LEKR1: variants seen among roughly 807,000 people sequenced by gnomAD.
LEKR1 encodes leucine, glutamate and lysine rich 1.
In LEKR1, 59 loss-of-function variants were observed where a neutral mutation model predicts 72.4. The ratio of observed to expected loss-of-function variants is 0.82; its 90% CI spans 0.66 to 1.01. LEKR1 has a LOEUF of 1.01. Ranked by LOEUF, LEKR1 falls within the 50% of genes least tolerant of loss-of-function variation. The pLI is 0.00. For missense variants in LEKR1, 728 were observed against 759.2 expected, an observed-to-expected ratio of 0.96 and a Z score of 0.48; for synonymous variants, 257 against 263.2, an observed-to-expected ratio of 0.98 and a Z score of 0.23.
intron 3 of LEKR1, among the ~76,000 whole-genome samples, chr3:156,902,212 A>T (rs534463912): frequency 3.3e-5 from 5 of 150,538 alleles, no homozygotes; most frequent in Admixed American, 2.6e-4. Context: ...CCTATTCTTT[A>T]AAAAAAAATC....
At chr3:156,867,174 AAC>A (rs1717405731) in intron 3 of LEKR1, among the ~76,000 whole-genome samples, 1 of 152,108 alleles carries the variant, frequency 6.6e-6, no homozygotes, top group Non-Finnish European at 1.5e-5. Context: ...AAAACAAAAG[AAC>A]CATTATTAAA....
intron 3 of LEKR1, among the ~76,000 whole-genome samples, chr3:156,877,776 T>TTTTA (rs752058467): frequency 3.4e-4 from 52 of 152,160 alleles, no homozygotes; most frequent in Middle Eastern, 6.8e-3. Flanking sequence ...TTTCCTTTAT[T>TTTTA]TTTATTTATT....
At chr3:156,974,182 T>C (rs983353068) in intron 6 of LEKR1, among the ~76,000 whole-genome samples, 3 of 152,160 alleles carry the variant, frequency 2.0e-5, no homozygotes, top group Non-Finnish European at 2.9e-5. Context: ...TGAAATATTA[T>C]GTATCAGTCA....
chr3:157,011,226 T>C (rs748873941), intron 9 of LEKR1, among the ~76,000 whole-genome samples, 187 bp from the exon 10 acceptor site: 3 of 152,126 alleles, frequency 2.0e-5, no homozygotes, highest in Non-Finnish European at 4.4e-5. Context: ...AATACCATAA[T>C]ACAAGTGCTG....
At chr3:156,845,690 T>C (rs957457662) in intron 2 of LEKR1, among the ~76,000 whole-genome samples, 1 of 152,140 alleles carries the variant, frequency 6.6e-6, no homozygotes, top group Non-Finnish European at 1.5e-5. Flanking sequence ...GATCTATGTG[T>C]CCTTCCTTCT....
At chr3:156,981,022 T>C (rs1329232568) in intron 7 of LEKR1, among the ~76,000 whole-genome samples, 1 of 152,220 alleles carries the variant, frequency 6.6e-6, no homozygotes, top group Non-Finnish European at 1.5e-5. Flanking sequence ...TATGGTCAGA[T>C]ATGTTTAGAT....
At chr3:157,038,600 T>TG (rs1454919447) in intron 12 of LEKR1, among the ~76,000 whole-genome samples, 1 of 152,042 alleles carries the variant, frequency 6.6e-6, no homozygotes, top group Non-Finnish European at 1.5e-5. Flanking sequence ...AATCTAGCGA[T>TG]GGTGACAGAA....
At chr3:156,995,215 A>G (rs1484767288) in intron 9 of LEKR1, among the ~76,000 whole-genome samples, 3 of 152,232 alleles carry the variant, frequency 2.0e-5, no homozygotes, top group Admixed American at 6.5e-5. Context: ...TAGTAACCTC[A>G]GTAGAATATA....
chr3:157,028,718 C>G (rs904698898), intron 12 of LEKR1, among the ~76,000 whole-genome samples: 2 of 152,144 alleles, frequency 1.3e-5, no homozygotes, highest in Non-Finnish European at 2.9e-5. Flanking sequence ...ATGTTTATGT[C>G]TTATTTGTTT....
chr3:156,940,767 TTAGA>T lies in LEKR1; in HGVS notation c.560-1757_560-1754del, dbSNP rs1024476029. On this transcript the variant is annotated intron_variant, in intron 5 of 12. Coordinates refer to ENST00000356539, the MANE Select transcript of LEKR1 (RefSeq NM_001004316.3). ...ATTGCAGATTTTTATTCTTTAAATG[TTAGA>T]TAGAAAGTCACATTGACATGAGTAG... Among the ~76,000 whole-genome samples the T allele has an allele frequency of 3.3e-5, 5 of 152,304 alleles. No homozygotes were observed. The South Asian group carries it at 6.2e-4, about 19-fold the overall frequency.
At chr3:156,886,013 A>G (rs1013346723) in intron 3 of LEKR1, among the ~76,000 whole-genome samples, 17 of 152,324 alleles carry the variant, frequency 1.1e-4, no homozygotes, top group African/African-American at 4.1e-4. Flanking sequence ...GTGGAGCCAC[A>G]TAGCTCCCAA....
At chr3:156,957,940 C>T (rs1259373438) in intron 6 of LEKR1, among the ~76,000 whole-genome samples, 2 of 152,046 alleles carry the variant, frequency 1.3e-5, no homozygotes, top group Non-Finnish European at 2.9e-5. Flanking sequence ...ATTAGGGTTT[C>T]ATTTTTGCTG....
intron 9 of LEKR1, among the ~76,000 whole-genome samples, chr3:156,998,933 C>A (rs1017814069): frequency 1.3e-5 from 2 of 152,076 alleles, no homozygotes; most frequent in African/African-American, 4.8e-5. Flanking sequence ...TCCCATAATC[C>A]CCACGTGTCA....
At chr3:157,033,641 T>C (rs1734773152) in intron 12 of LEKR1, among the ~76,000 whole-genome samples, 1 of 152,204 alleles carries the variant, frequency 6.6e-6, no homozygotes, top group Non-Finnish European at 1.5e-5. Context: ...TAAGGTAAGA[T>C]AGCAAGTGCT....
intron 6 of LEKR1, among the ~76,000 whole-genome samples, chr3:156,951,481 A>C (rs1236328218): frequency 1.3e-5 from 2 of 150,962 alleles, no homozygotes; most frequent in African/African-American, 4.8e-5. Flanking sequence ...TGAATCCATC[A>C]GCTCCTGGGG....
intron 12 of LEKR1, among the ~76,000 whole-genome samples, chr3:157,031,253 A>C (rs1734586896): frequency 1.3e-5 from 2 of 152,156 alleles, no homozygotes; most frequent in African/African-American, 4.8e-5. Context: ...CCACTTAGGA[A>C]TAAAGCTTTT....
chr3:156,960,473 A>T (rs1394736384), intron 6 of LEKR1, among the ~76,000 whole-genome samples: 1 of 152,022 alleles, frequency 6.6e-6, no homozygotes, highest in Non-Finnish European at 1.5e-5. Context: ...TTTAGTAGAG[A>T]CGGGGTTTCA....
intron 3 of LEKR1, 121 bp from the exon 4 acceptor site, chr3:156,920,454 A>T: frequency 1.6e-6 from 1 of 627,470 alleles, no homozygotes; most frequent in South Asian, 2.1e-5. Context: ...TTCATATAGC[A>T]TATATAAGAG....
chr3:156,881,818 A>G (rs1286090695), intron 3 of LEKR1, among the ~76,000 whole-genome samples: 1 of 130,010 alleles, frequency 7.7e-6, no homozygotes, highest in African/African-American at 2.9e-5. Flanking sequence ...GATCAATGGA[A>G]CAGAACAGAG....
Sources: allele counts gnomAD v4.1 joint callset (sites outside exome capture counted in the v4.1 genomes callset), GRCh38; gene constraint gnomAD v4.1.1; transcripts MANE v1.5; gene names NCBI Gene and HGNC (gene_info 2026-07-23, HGNC 2026-07-21).